The following TRIM77 variants were observed in gnomAD, a reference collection of about 807,000 sequenced individuals.
TRIM77 encodes the protein tripartite motif containing 77.
TRIM77 carries 23 observed loss-of-function variants against 31.8 expected under a neutral mutation model. The observed-to-expected ratio is 0.72, with a 90% confidence interval of 0.52 to 1.02. The LOEUF (loss-of-function observed/expected upper bound fraction) is 1.02. Among genes scored for constraint, TRIM77 ranks in the 50% least tolerant of loss-of-function variants. TRIM77 has a pLI of 0.00. For synonymous variants in TRIM77, 159 were observed against 183.1 expected (o/e 0.87, Z 1.06); for missense variants, 446 against 539.2 (o/e 0.83, Z 1.71).
chr11:89,711,561 T>C (rs1378907002), intron 2 of TRIM77, 56 bp downstream of exon 2: 20 of 965,982 alleles, frequency 2.1e-5, no homozygotes, highest in Middle Eastern at 2.1e-4. Context: ...ATGTGACTTG[T>C]GGGAGAAGAA....
intron 5 of TRIM77, 41 bp from the exon 6 acceptor site, chr11:89,717,338 T>A: frequency 1.3e-6 from 2 of 1,490,322 alleles, no homozygotes; most frequent in Non-Finnish European, 1.8e-6. Flanking sequence ...CTCCAAACTT[T>A]TAAACTGTTT....
chr11:89,713,502 A>G (rs957440394), intron 2 of TRIM77, among the ~76,000 whole-genome samples: 1 of 133,136 alleles, frequency 7.5e-6, no homozygotes, highest in Non-Finnish European at 1.6e-5. Context: ...AATAATAATA[A>G]TATAATTGAG....
In TRIM77 at chr11:89,717,495, C is replaced by G; in HGVS notation, c.976C>G (p.Gln326Glu). The change falls in exon 6 of 6, where the codon CAG becomes GAG. Residue 326 changes from glutamine (Q) to glutamate (E), a missense_variant. Physicochemically the swap from Gln to Glu is conservative, Grantham distance 29 (BLOSUM62 2). Coordinates refer to ENST00000398290, the MANE Select transcript of TRIM77 (RefSeq NM_001146162.1). Reference sequence around the variant, plus strand: ...CATGTCCTGTAATCCAACAAGTACACAGTATACTTCTTCATGGGGAGCTCA... The same window carrying G: ...CATGTCCTGTAATCCAACAAGTACAGAGTATACTTCTTCATGGGGAGCTCA... Reference protein sequence around the residue: ...TDMSCNPTSTQYTSSWGAQIL... With the variant: ...TDMSCNPTSTEYTSSWGAQIL... 2 of 1,551,584 alleles carry G rather than the reference C, an allele frequency of 1.3e-6. No homozygotes were observed. Among genetic ancestry groups the G allele is most frequent in the Non-Finnish European group, 1.7e-6 (2 of 1,146,908 alleles).
At position 89,714,277 on chromosome 11, in the gene TRIM77, T is replaced by G; in HGVS notation, c.593T>G (p.Val198Gly). The G allele has an allele frequency of 6.4e-7, 1 of 1,551,728 alleles. No individual in the cohort carries two copies. The highest frequency in any genetic ancestry group is 8.7e-7 in the Non-Finnish European group (1 of 1,146,996). Residue 198 changes from valine (V) to glycine (G), a missense_variant, in exon 3 of 6, where the codon GTA (valine) becomes GGA (glycine). This residue lies in a region of TRIM77 where 366 missense variants were observed against 447.9 expected (regional missense o/e 0.82). Coordinates refer to ENST00000398290, the MANE Select transcript of TRIM77 (RefSeq NM_001146162.1). ...CTCCGTGAAGAAGAGCAAAAGCACG[T>G]AGAGAGCCTGGCAAGAGAAGGCAGG... ...QYLREEEQKH[V>G]ESLAREGRII...
chr11:89,717,774 A>G lies in TRIM77; in HGVS notation c.1255A>G (p.Ser419Gly). Reference sequence around the variant, plus strand: ...CCTGGATTATGAATGTGGGATAGTGAGCTTTGTTAATGTTGCCCAAAGTTC... The same window carrying G: ...CCTGGATTATGAATGTGGGATAGTGGGCTTTGTTAATGTTGCCCAAAGTTC... ...VFLDYECGIV[S>G]FVNVAQSSLI... The change falls in exon 6 of 6, where the codon AGC becomes GGC. Residue 419 changes from serine to glycine, a missense_variant. Coordinates refer to ENST00000398290, the MANE Select transcript of TRIM77 (RefSeq NM_001146162.1). 2 of 1,551,208 alleles carry G rather than the reference A, an allele frequency of 1.3e-6. No individual in the cohort carries two copies. Among genetic ancestry groups the G allele is most frequent in the South Asian group, 1.2e-5 (1 of 84,038 alleles).
chr11:89,713,411 G>A (rs570857716), intron 2 of TRIM77, among the ~76,000 whole-genome samples: 10 of 148,160 alleles, frequency 6.7e-5, no homozygotes, highest in African/African-American at 2.5e-4. Flanking sequence ...AGCCATGATT[G>A]CACCACCATA....
intron 5 of TRIM77, among the ~76,000 whole-genome samples, chr11:89,717,000 A>C (rs10830357): frequency 6.6e-6 from 1 of 151,768 alleles, no homozygotes; most frequent in East Asian, 1.9e-4. Context: ...GTTTTCTCTA[A>C]ATTTTCTTTC....
chr11:89,716,081 A>G (rs934442343), intron 5 of TRIM77, 94 bp downstream of exon 5: 1 of 649,212 alleles, frequency 1.5e-6, no homozygotes, highest in South Asian at 4.8e-5. Context: ...CTCTGTCTCT[A>G]TTATTATTTT....
intron 2 of TRIM77, among the ~76,000 whole-genome samples, chr11:89,713,314 G>C (rs913860244): frequency 2.0e-5 from 3 of 148,622 alleles, no homozygotes; most frequent in African/African-American, 7.4e-5. Context: ...TGAGTAGCCT[G>C]GCATGGCGGC....
rs774678819 is a variant in TRIM77, at chr11:89,717,374, C to T, written c.860-5C>T. On this transcript the variant is annotated splice_polypyrimidine_tract_variant and splice_region_variant and intron_variant, in intron 5 of 5. Coordinates refer to ENST00000398290, the MANE Select transcript of TRIM77 (RefSeq NM_001146162.1). Reference sequence around the variant, plus strand: ...TTTTGCATTCACTGTTTTCTTTTGCCATAGTGTATATCACCTTGGATCGTA... The same window carrying T: ...TTTTGCATTCACTGTTTTCTTTTGCTATAGTGTATATCACCTTGGATCGTA... The T allele has an allele frequency of 6.5e-7, 1 of 1,528,514 alleles. No homozygotes were observed. Among genetic ancestry groups the T allele is most frequent in the South Asian group, 1.2e-5 (1 of 80,770 alleles). 94.7% of individuals were successfully genotyped at this position (1,528,514 alleles called of 1,614,324 possible).
intron 2 of TRIM77, 30 bp from the exon 3 acceptor site, chr11:89,714,162 C>T: frequency 7.0e-7 from 1 of 1,436,566 alleles, no homozygotes; most frequent in African/African-American, 1.4e-5. Context: ...CACTTAGACA[C>T]ATGATTTAAT....
At chr11:89,713,456 AATAATAATAATAATAATAAT>A (rs1949137881) in intron 2 of TRIM77, among the ~76,000 whole-genome samples, 6 of 19,060 alleles carry the variant, frequency 3.1e-4, no homozygotes, top group East Asian at 1.2e-3. Flanking sequence ...ACCTTGTCTC[AATAATAATAATAATAATAAT>A]AATAATAATA....
chr11:89,711,501 G>T lies in TRIM77; in HGVS notation c.503G>T (p.Trp168Leu). 1 of 1,507,692 alleles carries T rather than the reference G, an allele frequency of 6.6e-7. No individual in the cohort carries two copies. Among genetic ancestry groups the T allele is most frequent in the East Asian group, 2.5e-5 (1 of 39,838 alleles). 93.4% of individuals were successfully genotyped at this position (1,507,692 alleles called of 1,614,324 possible). The change falls in exon 2 of 6, where the codon TGG becomes TTG. Residue 168 changes from tryptophan (W) to leucine (L), a missense_variant. By Grantham distance (61) the Trp-to-Leu change is moderately conservative. This residue lies in a region of TRIM77 where 366 missense variants were observed against 447.9 expected (regional missense o/e 0.82). Coordinates refer to ENST00000398290, the MANE Select transcript of TRIM77 (RefSeq NM_001146162.1). Reference protein sequence around the residue: ...LNRETNIIGTWEVFINLRSMM... With the variant: ...LNRETNIIGTLEVFINLRSMM... ...AGAGAGACCAACATAATCGGAACAT[G>T]GGAAGTAAGCAGTAAGCTCATTTCT... is the stretch of plus-strand genomic sequence containing the variant.
At chr11:89,715,500 A>C (rs562483534) in intron 4 of TRIM77, among the ~76,000 whole-genome samples, 1 of 152,302 alleles carries the variant, frequency 6.6e-6, no homozygotes, top group Non-Finnish European at 1.5e-5. Context: ...GCTGATGGAA[A>C]GATGGTGAAA....
chr11:89,710,317 C>G lies in TRIM77; in HGVS notation c.19C>G (p.Gln7Glu). The change falls in exon 1 of 6, where the codon CAG (glutamine) becomes GAG (glutamate). Residue 7 changes from glutamine (Q) to glutamate (E), a missense_variant. By Grantham distance (29) the Gln-to-Glu change is conservative. Coordinates refer to ENST00000398290, the MANE Select transcript of TRIM77 (RefSeq NM_001146162.1). MASAIT[Q>E]CSTSELTCSI... ...CAGAAACATGGCTTCTGCTATCACG[C>G]AGTGTTCTACCAGTGAGCTCACCTG... The G allele has an allele frequency of 1.3e-6, 2 of 1,527,904 alleles. No homozygotes were observed. Among genetic ancestry groups the G allele is most frequent in the Non-Finnish European group, 1.8e-6 (2 of 1,127,778 alleles). 94.6% of individuals were successfully genotyped at this position (1,527,904 alleles called of 1,614,324 possible). A position where few individuals can be genotyped will look rare whatever the true frequency, so the allele number is the denominator to read the frequency against.
chr11:89,711,646 T>C, intron 2 of TRIM77, 141 bp downstream of exon 2: 1 of 594,472 alleles, frequency 1.7e-6, no homozygotes, highest in Non-Finnish European at 3.0e-6. Context: ...CAATATAACT[T>C]AATCTTTAGT....
In TRIM77 at chr11:89,717,766, G is replaced by A; in HGVS notation, c.1247G>A (p.Gly416Glu). The change falls in exon 6 of 6, where the codon GGG becomes GAG. Residue 416 changes from glycine to glutamate, a missense_variant. By Grantham distance (98) the Gly-to-Glu change is moderately conservative (BLOSUM62 -2). Coordinates refer to ENST00000398290, the MANE Select transcript of TRIM77 (RefSeq NM_001146162.1). ...WLGVFLDYEC[G>E]IVSFVNVAQS... Reference sequence around the variant, plus strand: ...GGGGTGTTCCTGGATTATGAATGTGGGATAGTGAGCTTTGTTAATGTTGCC... The same window carrying A: ...GGGGTGTTCCTGGATTATGAATGTGAGATAGTGAGCTTTGTTAATGTTGCC... 1.9e-6 allele frequency: 3 copies of A among 1,551,240 alleles called. No individual in the cohort carries two copies. Among genetic ancestry groups the A allele is most frequent in the Non-Finnish European group, 2.6e-6 (3 of 1,146,706 alleles).
chr11:89,710,308 G>A lies in TRIM77; in HGVS notation c.10G>A (p.Ala4Thr), dbSNP rs1439283648. 1.3e-6 allele frequency: 2 copies of A among 1,518,208 alleles called. No homozygotes were observed. The highest frequency in any genetic ancestry group is 2.5e-5 in the East Asian group (1 of 40,084). The allele number at this position is 1,518,208 out of a possible 1,614,324, so 94.0% of individuals were successfully genotyped here. A position where few individuals can be genotyped will look rare whatever the true frequency, so the allele number is the denominator to read the frequency against. MAS[A>T]ITQCSTSELT... ...TTATTTCCTCAGAAACATGGCTTCTGCTATCACGCAGTGTTCTACCAGTGA... is the reference window on the plus strand; with the variant it reads ...TTATTTCCTCAGAAACATGGCTTCTACTATCACGCAGTGTTCTACCAGTGA... Residue 4 changes from alanine (A) to threonine (T), a missense_variant, in exon 1 of 6, where the codon GCT becomes ACT. Physicochemically the swap from Ala to Thr is moderately conservative, Grantham distance 58. Transcript: ENST00000398290.
rs765419008 is a variant in TRIM77, at chr11:89,710,495, G to T, written c.197G>T (p.Arg66Leu). 1 of 1,551,406 alleles carries T rather than the reference G, an allele frequency of 6.4e-7. No individual in the cohort carries two copies. The highest frequency in any genetic ancestry group is 1.2e-5 in the South Asian group (1 of 84,056). Reference protein sequence around the residue: ...REISQQMYFKRIIFAEKQVIP... With the variant: ...REISQQMYFKLIIFAEKQVIP... ...ATATCACAGCAAATGTACTTCAAACGCATTATTTTTGCTGAGAAACAAGTT... is the reference window on the plus strand; with the variant it reads ...ATATCACAGCAAATGTACTTCAAACTCATTATTTTTGCTGAGAAACAAGTT... The change falls in exon 1 of 6, where the codon CGC (arginine) becomes CTC (leucine). Residue 66 changes from arginine (R) to leucine (L), a missense_variant. Coordinates refer to ENST00000398290, the MANE Select transcript of TRIM77 (RefSeq NM_001146162.1).
Sources: gnomAD v4.1 joint callset for allele counts (sites outside exome capture counted in the v4.1 genomes callset) on GRCh38, gnomAD v4.1.1 for gene constraint, gnomAD v4.1.1 regional missense constraint, MANE v1.5 for transcripts, NCBI Gene and HGNC (gene_info 2026-07-23, HGNC 2026-07-21) for gene names.